EVA1C: variants seen among roughly 807,000 people sequenced by gnomAD.
EVA1C encodes the protein protein eva-1 homolog C.
EVA1C carries 25 observed loss-of-function variants against 45.4 expected under a neutral mutation model. That is an observed-to-expected ratio of 0.55 (90% CI 0.40 to 0.77). The LOEUF (loss-of-function observed/expected upper bound fraction) is 0.77. EVA1C is among the 30% of genes least tolerant of loss of function. EVA1C has a pLI of 0.00. For synonymous variants in EVA1C, 190 were observed against 221.2 expected (o/e 0.86, Z 1.25); for missense variants, 479 against 554.8 (o/e 0.86, Z 1.37).
chr21:32,494,020 G>A (rs1196870878), intron 4 of EVA1C, among the ~76,000 whole-genome samples: 2 of 152,024 alleles, frequency 1.3e-5, no homozygotes, highest in Admixed American at 6.6e-5. Context: ...GGTTGGTCTC[G>A]AATTCCTGAC....
intron 1 of EVA1C, 121 bp downstream of exon 1, chr21:32,413,134 C>G: frequency 1.2e-6 from 1 of 844,046 alleles, no homozygotes. Context: ...GGCGTGCTCA[C>G]AGACACTTGT....
intron 7 of EVA1C, among the ~76,000 whole-genome samples, chr21:32,508,519 C>T (rs2037847598): frequency 6.6e-6 from 1 of 152,198 alleles, no homozygotes; most frequent in Admixed American, 6.5e-5. Flanking sequence ...GTGATTCCCC[C>T]ACCAGGGAGA....
At chr21:32,500,106 G>C (rs1236935955) in intron 5 of EVA1C, among the ~76,000 whole-genome samples, 2 of 151,678 alleles carry the variant, frequency 1.3e-5, no homozygotes, top group Non-Finnish European at 2.9e-5. Flanking sequence ...GGTGCTGGGA[G>C]AGTTTGATGG....
At chr21:32,415,233 T>A (rs2146089712) in intron 1 of EVA1C, among the ~76,000 whole-genome samples, 1 of 152,230 alleles carries the variant, frequency 6.6e-6, no homozygotes, top group South Asian at 2.1e-4. Flanking sequence ...CAGTGGATCC[T>A]CCCCTGCAGA....
chr21:32,511,869 A>G (rs954986099), intron 7 of EVA1C, among the ~76,000 whole-genome samples: 4 of 152,212 alleles, frequency 2.6e-5, no homozygotes, highest in African/African-American at 9.7e-5. Context: ...ATCATCCACA[A>G]AAGCAGAAAC....
chr21:32,458,234 G>C (rs1001968899), intron 3 of EVA1C, among the ~76,000 whole-genome samples: 2 of 152,168 alleles, frequency 1.3e-5, no homozygotes, highest in Non-Finnish European at 2.9e-5. Context: ...AATGAGAGGG[G>C]ATATGGCTGG....
intron 4 of EVA1C, among the ~76,000 whole-genome samples, chr21:32,483,108 C>T (rs114082784): frequency 0.043 from 4,884 of 112,950 alleles, 270 homozygotes; most frequent in African/African-American, 0.14. Context: ...ATCCTCTCAC[C>T]TCAGCCTCCC....
intron 7 of EVA1C, among the ~76,000 whole-genome samples, chr21:32,507,590 ATGTG>A (rs796691201): frequency 1.3e-5 from 2 of 149,266 alleles, no homozygotes; most frequent in Non-Finnish European, 3.0e-5. Flanking sequence ...ATGTGTGTGC[ATGTG>A]TGTTTCTATG....
intron 1 of EVA1C, among the ~76,000 whole-genome samples, chr21:32,430,026 G>A (rs2034637651): frequency 6.6e-6 from 1 of 152,178 alleles, no homozygotes; most frequent in Non-Finnish European, 1.5e-5. Flanking sequence ...CTGAGGCCAC[G>A]ACTCTGGGCA....
At chr21:32,454,436 C>T (rs10854359) in intron 2 of EVA1C, among the ~76,000 whole-genome samples, 24,286 of 151,936 alleles carry the variant, frequency 0.16, 2,213 homozygotes, top group Admixed American at 0.23. Context: ...TTGTGGTTGG[C>T]ATATTTAGGG....
chr21:32,495,599 C>T, intron 5 of EVA1C, among the ~76,000 whole-genome samples: 1 of 152,204 alleles, frequency 6.6e-6, no homozygotes, highest in East Asian at 1.9e-4. Context: ...ACTCTCTGTA[C>T]TGCCAACAGC....
chr21:32,500,190 A>ATTTTTTTTTTTTTTTTTTTTTTTTTTTT (rs538897939), intron 5 of EVA1C, among the ~76,000 whole-genome samples: 1 of 91,102 alleles, frequency 1.1e-5, no homozygotes, highest in Non-Finnish European at 2.0e-5. Context: ...TAACCACCCT[A>ATTTTTTTTTTTTTTTTTTTTTTTTTTTT]TTTTTTTTTT....
rs141761843 is a variant in EVA1C at position 32,495,229 on chromosome 21, T to A, written c.778+59T>A. 13,521 of 1,582,362 alleles carry A rather than the reference T, an allele frequency of 8.5e-3. 83 individuals carry two copies. Among genetic ancestry groups the A allele is most frequent in the Non-Finnish European group, 0.01 (12,142 of 1,159,934 alleles). ...CACTGCCTCTTTTGGGGGAGGGTGG[T>A]GACCATGTGAACGGCAGGAGTTTGC... On this transcript the variant is annotated intron_variant, in intron 5 of 7. Transcript: ENST00000300255.
intron 7 of EVA1C, among the ~76,000 whole-genome samples, chr21:32,513,553 T>TTC (rs1555877120): frequency 3.2e-5 from 4 of 123,502 alleles, no homozygotes; most frequent in South Asian, 5.6e-4. Context: ...TTTCTTTTCT[T>TTC]TTTTTTTTTT....
chr21:32,466,019 A>G (rs1036411574), intron 3 of EVA1C, among the ~76,000 whole-genome samples: 1 of 152,088 alleles, frequency 6.6e-6, no homozygotes, highest in African/African-American at 2.4e-5. Flanking sequence ...GCACCCACTC[A>G]TCTACATTCT....
intron 6 of EVA1C, among the ~76,000 whole-genome samples, chr21:32,502,029 TTTCTTTC>T (rs1358876038): frequency 3.0e-5 from 4 of 132,836 alleles, no homozygotes; most frequent in African/African-American, 1.2e-4. Context: ...TCTTTCTTTC[TTTCTTTC>T]TTTCTTTCTT....
intron 1 of EVA1C, among the ~76,000 whole-genome samples, chr21:32,433,913 C>T (rs2146172387): frequency 6.6e-6 from 1 of 152,024 alleles, no homozygotes; most frequent in East Asian, 1.9e-4. Flanking sequence ...AATCCTAGCA[C>T]TTTGGGAGGC....
At chr21:32,487,496 G>A (rs1383746971) in intron 4 of EVA1C, among the ~76,000 whole-genome samples, 5 of 152,116 alleles carry the variant, frequency 3.3e-5, no homozygotes, top group Admixed American at 1.3e-4. Flanking sequence ...AAGGCAGGTG[G>A]ATCACCTGAA....
chr21:32,509,844 ATGCAGAAAAACCAGGGTG>A (rs1416882204), intron 7 of EVA1C, among the ~76,000 whole-genome samples: 1 of 151,644 alleles, frequency 6.6e-6, no homozygotes, highest in Non-Finnish European at 1.5e-5. Flanking sequence ...AGAAGAGCAC[ATGCAGAAAAACCAGGGTG>A]TGCAGGTATC....
Sources: allele counts gnomAD v4.1 joint callset (sites outside exome capture counted in the v4.1 genomes callset), GRCh38; gene constraint gnomAD v4.1.1; transcripts MANE v1.5; gene names NCBI Gene and HGNC (gene_info 2026-07-23, HGNC 2026-07-21).